The following SEMA6D variants were observed in gnomAD, a reference collection of about 807,000 sequenced individuals.
SEMA6D encodes the protein semaphorin 6D, also known as semaphorin-6D.
In SEMA6D, 35 loss-of-function variants were observed where a neutral mutation model predicts 106.6. The ratio of observed to expected loss-of-function variants is 0.33; its 90% confidence interval spans 0.25 to 0.44. The LOEUF is 0.44. SEMA6D is among the 20% of genes least tolerant of loss of function. The pLI is 1.00. For synonymous variants in SEMA6D, 499 were observed against 487.7 expected, an observed-to-expected ratio of 1.02 and a Z score of -0.31; for missense variants, 1,185 against 1,345.9, an observed-to-expected ratio of 0.88 and a Z score of 1.87.
At chr15:47,330,879 GACACCT>G (rs1455872268) in intron 1 of SEMA6D, among the ~76,000 whole-genome samples, 1 of 151,948 alleles carries the variant, frequency 6.6e-6, no homozygotes, top group Non-Finnish European at 1.5e-5. Flanking sequence ...ATGAGGTATG[GACACCT>G]ACAGAGGTAA....
At chr15:47,684,489 A>G (rs1454412435) in intron 4 of SEMA6D, among the ~76,000 whole-genome samples, 1 of 152,158 alleles carries the variant, frequency 6.6e-6, no homozygotes, top group Non-Finnish European at 1.5e-5. Context: ...TTTACAATTC[A>G]TATTAAAGCA....
intron 1 of SEMA6D, among the ~76,000 whole-genome samples, chr15:47,266,515 G>GGAAC (rs2142177955): frequency 6.6e-6 from 1 of 152,156 alleles, no homozygotes; most frequent in East Asian, 1.9e-4. Context: ...TTTCCAACAT[G>GGAAC]GAACCACTGC....
chr15:47,711,499 T>C (rs970289095), intron 4 of SEMA6D, among the ~76,000 whole-genome samples: 12 of 152,086 alleles, frequency 7.9e-5, no homozygotes, highest in African/African-American at 2.7e-4. Context: ...GAACCCCCCG[T>C]AACTGGGACT....
intron 1 of SEMA6D, chr15:47,395,727 T>C (rs920937581): frequency 6.6e-6 from 1 of 152,272 alleles, no homozygotes; most frequent in African/African-American, 2.4e-5. Context: ...TCAAATCAAC[T>C]TAAAACACAC....
intron 1 of SEMA6D, among the ~76,000 whole-genome samples, chr15:47,240,778 A>G (rs897811931): frequency 4.6e-5 from 7 of 152,178 alleles, no homozygotes; most frequent in Admixed American, 4.6e-4. Context: ...ATTCAAATTC[A>G]TTGATTAGTC....
intron 1 of SEMA6D, among the ~76,000 whole-genome samples, chr15:47,356,328 G>C (rs1163252764): frequency 6.6e-6 from 1 of 152,128 alleles, no homozygotes; most frequent in African/African-American, 2.4e-5. Flanking sequence ...CTCCAGAAAA[G>C]AACAGAATTC....
chr15:47,223,901 G>C (rs2031427035), intron 1 of SEMA6D, among the ~76,000 whole-genome samples: 1 of 151,968 alleles, frequency 6.6e-6, no homozygotes, highest in Non-Finnish European at 1.5e-5. Context: ...TATAATTTGT[G>C]AATCTTAGCA....
In SEMA6D at chr15:47,197,779, C is replaced by T. The variant is rs182916249; in HGVS notation, c.-239+13361C>T. On this transcript the variant is annotated intron_variant, in intron 1 of 19. Transcript: ENST00000558014. ...ACCTCTTGATATGGAGATCTGTATT[C>T]CCATGCCGTCATTAATTATTGCACT... Among the ~76,000 whole-genome samples the T allele has an allele frequency of 6.0e-4, 91 of 152,198 alleles. 1 individual carries two copies. Among genetic ancestry groups the T allele is most frequent in the African/African-American group, 2.0e-3 (81 of 41,536 alleles).
At chr15:47,224,106 A>C (rs760087982) in intron 1 of SEMA6D, among the ~76,000 whole-genome samples, 1 of 152,034 alleles carries the variant, frequency 6.6e-6, no homozygotes, top group South Asian at 2.1e-4. Context: ...ATGTATACAT[A>C]TGTAAGTAAC....
In SEMA6D at chr15:47,284,681, C is replaced by T. The variant is rs1364437809; in HGVS notation, c.-239+100263C>T. ...ACTGTCTGCCATGGCATTCTATTGTCGGTTTTGCATTGTTTTCCATATCTT... is the reference window on the plus strand; with the variant it reads ...ACTGTCTGCCATGGCATTCTATTGTTGGTTTTGCATTGTTTTCCATATCTT... On this transcript the variant is annotated intron_variant, in intron 1 of 19. Transcript: ENST00000558014. Among the ~76,000 whole-genome samples, 4 of 152,106 alleles carry T rather than the reference C, an allele frequency of 2.6e-5. No homozygotes were observed. The South Asian group carries it at 6.2e-4, about 24-fold the overall frequency.
intron 4 of SEMA6D, among the ~76,000 whole-genome samples, chr15:47,640,681 C>T (rs1007242551): frequency 2.0e-5 from 3 of 152,060 alleles, no homozygotes; most frequent in Non-Finnish European, 4.4e-5. Flanking sequence ...AACTGAGGGT[C>T]GTCAGGGTGG....
intron 4 of SEMA6D, among the ~76,000 whole-genome samples, chr15:47,615,567 TTTTG>T (rs1433508172): frequency 6.6e-6 from 1 of 152,186 alleles, no homozygotes; most frequent in Non-Finnish European, 1.5e-5. Flanking sequence ...AGTTTTAGGG[TTTTG>T]TTTTTCACCT....
At chr15:47,592,126 A>G (rs1186808543) in intron 3 of SEMA6D, among the ~76,000 whole-genome samples, 3 of 152,184 alleles carry the variant, frequency 2.0e-5, no homozygotes, top group Non-Finnish European at 4.4e-5. Context: ...ACTAGATGTT[A>G]TTTCTAAAAT....
intron 4 of SEMA6D, among the ~76,000 whole-genome samples, chr15:47,625,999 T>C (rs1160421045): frequency 1.3e-5 from 2 of 152,188 alleles, no homozygotes; most frequent in African/African-American, 4.8e-5. Context: ...CCAGGGATTA[T>C]GAAAAGCCAG....
intron 3 of SEMA6D, among the ~76,000 whole-genome samples, chr15:47,550,794 C>T (rs570964796): frequency 4.6e-5 from 7 of 152,248 alleles, no homozygotes; most frequent in Admixed American, 2.6e-4. Context: ...TTCATTCTCC[C>T]GTGGCTGAGA....
intron 1 of SEMA6D, among the ~76,000 whole-genome samples, chr15:47,757,567 A>G (rs2081823652): frequency 6.6e-6 from 1 of 152,150 alleles, no homozygotes; most frequent in Non-Finnish European, 1.5e-5. Flanking sequence ...AAAAACTAGA[A>G]CCAAATCATT....
chr15:47,660,504 C>A (rs1048299545), intron 4 of SEMA6D, among the ~76,000 whole-genome samples: 1 of 152,014 alleles, frequency 6.6e-6, no homozygotes, highest in Admixed American at 6.6e-5. Flanking sequence ...AACACGTAGA[C>A]CCAGGCGGAT....
At chr15:47,590,732 C>G (rs1026935193) in intron 3 of SEMA6D, among the ~76,000 whole-genome samples, 4 of 152,004 alleles carry the variant, frequency 2.6e-5, no homozygotes, top group African/African-American at 9.7e-5. Flanking sequence ...CAGCTGCAAT[C>G]CAACGAATAC....
At chr15:47,314,940 A>T (rs2036600180) in intron 1 of SEMA6D, among the ~76,000 whole-genome samples, 1 of 131,950 alleles carries the variant, frequency 7.6e-6, no homozygotes. Flanking sequence ...ATCTCGGCTC[A>T]CTGCAAGCTC....
Sources: gnomAD v4.1 joint callset for allele counts (sites outside exome capture counted in the v4.1 genomes callset) on GRCh38, gnomAD v4.1.1 for gene constraint, MANE v1.5 for transcripts, NCBI Gene and HGNC (gene_info 2026-07-23, HGNC 2026-07-21) for gene names.